Variants in CTNNBIP1 observed in about 807,000 individuals in gnomAD.
The protein encoded by CTNNBIP1 is beta-catenin-interacting protein 1.
A neutral mutation model predicts 11.8 loss-of-function variants in CTNNBIP1; 7 were observed. The observed-to-expected ratio is 0.60, with a 90% CI of 0.34 to 1.12. The LOEUF (loss-of-function observed/expected upper bound fraction) is 1.12. Ranked by LOEUF, CTNNBIP1 falls within the 50% of genes most tolerant of loss-of-function variation. The probability of loss-of-function intolerance (pLI) is 0.03; values close to 1 mark genes in which losing one functional copy is unlikely to be tolerated. For synonymous variants in CTNNBIP1, 58 were observed against 43.9 expected, an observed-to-expected ratio of 1.32 and a Z score of -1.26; for missense variants, 101 against 113.4, an observed-to-expected ratio of 0.89 and a Z score of 0.50.
intron 1 of CTNNBIP1, among the ~76,000 whole-genome samples, chr1:9,891,890 C>T (rs1639308968): frequency 1.3e-5 from 2 of 148,548 alleles, no homozygotes; most frequent in South Asian, 4.2e-4. Flanking sequence ...CAACCTCTGC[C>T]TTCCAGTCTC....
chr1:9,873,758 A>G (rs1170444748), intron 3 of CTNNBIP1, among the ~76,000 whole-genome samples: 1 of 152,086 alleles, frequency 6.6e-6, no homozygotes, highest in Non-Finnish European at 1.5e-5. Context: ...TTTTTGACAC[A>G]GGGTCTCCCT....
At chr1:9,858,143 C>T (rs1411103845) in intron 5 of CTNNBIP1, among the ~76,000 whole-genome samples, 2 of 152,280 alleles carry the variant, frequency 1.3e-5, no homozygotes, top group Admixed American at 1.3e-4. Context: ...AAGTACATCA[C>T]CACTTCTGCC....
intron 5 of CTNNBIP1, among the ~76,000 whole-genome samples, chr1:9,855,725 CTTT>C (rs528824089): frequency 5.2e-5 from 7 of 133,752 alleles, no homozygotes; most frequent in South Asian, 2.4e-4. Context: ...TTAGGAAATG[CTTT>C]TTTTTTTTTT....
intron 1 of CTNNBIP1, among the ~76,000 whole-genome samples, chr1:9,909,408 A>C (rs1639685366): frequency 6.6e-6 from 1 of 152,110 alleles, no homozygotes; most frequent in African/African-American, 2.4e-5. Context: ...CTGCTCAGAC[A>C]AGTTCAGCTC....
chr1:9,857,237 T>C lies in CTNNBIP1; in HGVS notation c.188-6461A>G, dbSNP rs928781064. Among the ~76,000 whole-genome samples the C allele has an allele frequency of 1.2e-4, 18 of 151,932 alleles. No individual in the cohort carries two copies. The East Asian group carries it at 1.4e-3, about 11-fold the overall frequency. ...GGCTCACGCCTGTAATCCCAGCACT[T>C]TGGGGGGCCAAGATGGGCAGATCAC... On this transcript the variant is annotated intron_variant, in intron 5 of 5. Coordinates refer to ENST00000377263, the MANE Select transcript of CTNNBIP1 (RefSeq NM_020248.3).
intron 1 of CTNNBIP1, among the ~76,000 whole-genome samples, chr1:9,890,251 A>G (rs1639274241): frequency 6.6e-6 from 1 of 152,164 alleles, no homozygotes; most frequent in Admixed American, 6.5e-5. Context: ...GCAAACAGGA[A>G]GGCATGTGGA....
chr1:9,856,779 G>A (rs1013669018), intron 5 of CTNNBIP1, among the ~76,000 whole-genome samples: 2 of 151,800 alleles, frequency 1.3e-5, no homozygotes, highest in Non-Finnish European at 2.9e-5. Flanking sequence ...CTCCCAAAGT[G>A]TTGGGATTAA....
chr1:9,870,960 G>C (rs976062650), intron 5 of CTNNBIP1, among the ~76,000 whole-genome samples: 1 of 152,184 alleles, frequency 6.6e-6, no homozygotes, highest in African/African-American at 2.4e-5. Flanking sequence ...CATTTGTCTT[G>C]TAGAGTCTTT....
intron 5 of CTNNBIP1, among the ~76,000 whole-genome samples, chr1:9,852,408 C>T (rs1452214179): frequency 1.3e-5 from 2 of 152,216 alleles, no homozygotes; most frequent in African/African-American, 2.4e-5. Context: ...ACCAGCACAA[C>T]CTCCATTGCT....
chr1:9,887,821 T>C (rs370853308), intron 1 of CTNNBIP1, among the ~76,000 whole-genome samples: 9 of 152,004 alleles, frequency 5.9e-5, no homozygotes, highest in East Asian at 3.9e-4. Context: ...TATATACCAA[T>C]AGAAATTAAT....
At chr1:9,858,448 G>A (rs1215536539) in intron 5 of CTNNBIP1, among the ~76,000 whole-genome samples, 1 of 152,070 alleles carries the variant, frequency 6.6e-6, no homozygotes, top group East Asian at 1.9e-4. Context: ...CACTCACTGC[G>A]CCAGCTACAT....
chr1:9,891,855 G>A (rs1471654368), intron 1 of CTNNBIP1, among the ~76,000 whole-genome samples: 2 of 140,190 alleles, frequency 1.4e-5, no homozygotes, highest in East Asian at 2.1e-4. Flanking sequence ...AGGCTGGAGT[G>A]CAGTGGCGCA....
chr1:9,850,789 C>T lies in CTNNBIP1; in HGVS notation c.188-13G>A, dbSNP rs1638366181. On this transcript the variant is annotated splice_polypyrimidine_tract_variant and intron_variant, in intron 5 of 5. Transcript: ENST00000377263. ...ACGTCCTCTGCACCTGCAGATAAGG[C>T]GACAAGGATCGCTGATGGGGCTTGC... 7 of 1,613,458 alleles carry T rather than the reference C, an allele frequency of 4.3e-6. No homozygotes were observed. Among genetic ancestry groups the T allele is most frequent in the Non-Finnish European group, 5.9e-6 (7 of 1,179,634 alleles).
intron 2 of CTNNBIP1, among the ~76,000 whole-genome samples, chr1:9,878,682 G>T (rs1183602445): frequency 5.9e-5 from 9 of 152,208 alleles, no homozygotes. Flanking sequence ...GGTTAATGGA[G>T]CAAGAGCATG....
At chr1:9,885,347 T>C (rs950356871) in intron 1 of CTNNBIP1, among the ~76,000 whole-genome samples, 2 of 152,138 alleles carry the variant, frequency 1.3e-5, no homozygotes, top group African/African-American at 2.4e-5. Flanking sequence ...GGTTTTTCCA[T>C]CTCTGAGCCT....
At chr1:9,886,065 A>G (rs1639182479) in intron 1 of CTNNBIP1, among the ~76,000 whole-genome samples, 1 of 151,500 alleles carries the variant, frequency 6.6e-6, no homozygotes, top group African/African-American at 2.5e-5. Flanking sequence ...TTTTTGTTAC[A>G]GTATGGGGGA....
At chr1:9,876,353 A>C (rs1293177831) in intron 3 of CTNNBIP1, among the ~76,000 whole-genome samples, 1 of 152,220 alleles carries the variant, frequency 6.6e-6, no homozygotes, top group African/African-American at 2.4e-5. Context: ...ACAGTGGCTC[A>C]TGCCTGTAAT....
chr1:9,905,052 G>A (rs1639590428), intron 1 of CTNNBIP1, among the ~76,000 whole-genome samples: 1 of 152,120 alleles, frequency 6.6e-6, no homozygotes, highest in Non-Finnish European at 1.5e-5. Flanking sequence ...AAACCTCCCA[G>A]GACAAGGAGA....
At chr1:9,854,977 C>T (rs1252302736) in intron 5 of CTNNBIP1, among the ~76,000 whole-genome samples, 1 of 151,976 alleles carries the variant, frequency 6.6e-6, no homozygotes, top group Admixed American at 6.6e-5. Flanking sequence ...GCACCTGGCC[C>T]ACTAAAAAAC....
Sources: allele counts gnomAD v4.1 joint callset (sites outside exome capture counted in the v4.1 genomes callset), GRCh38; gene constraint gnomAD v4.1.1; transcripts MANE v1.5; gene names NCBI Gene and HGNC (gene_info 2026-07-23, HGNC 2026-07-21).